CRISP2: variants seen among roughly 807,000 people sequenced by gnomAD.
CRISP2 encodes cysteine rich secretory protein 2.
CRISP2 carries 29 observed loss-of-function variants against 31.7 expected under a neutral mutation model. The ratio of observed to expected loss-of-function variants is 0.92; its 90% CI spans 0.68 to 1.25. The LOEUF is 1.25. CRISP2 is among the 50% of genes most tolerant of loss of function. The pLI, the probability that CRISP2 is intolerant of heterozygous loss-of-function variation, is 0.00. For missense variants in CRISP2, 318 were observed against 286.5 expected, an observed-to-expected ratio of 1.11 and a Z score of -0.79; for synonymous variants, 111 against 101.4, an observed-to-expected ratio of 1.09 and a Z score of -0.57.
At chr6:49,701,518 A>ACACACACACACACACACAG (rs1765712632) in intron 4 of CRISP2, among the ~76,000 whole-genome samples, 1 of 128,624 alleles carries the variant, frequency 7.8e-6, no homozygotes, top group Non-Finnish European at 1.6e-5. Flanking sequence ...ATATATATAT[A>ACACACACACACACACACAG]TATATATACA....
At position 49,701,385 on chromosome 6, in the gene CRISP2, T is replaced by C. The variant is rs950653421; in HGVS notation, c.67-601A>G. Among the ~76,000 whole-genome samples the C allele has an allele frequency of 4.0e-5, 6 of 151,276 alleles. No homozygotes were observed. In the Admixed American group the frequency reaches 4.0e-4, roughly 10 times the overall value. On this transcript the variant is annotated intron_variant, in intron 4 of 9. Coordinates refer to ENST00000339139, the MANE Select transcript of CRISP2 (RefSeq NM_003296.4). The stretch of plus-strand genomic sequence containing the variant: ...GTGAGGACATATGATGTTTGGTTTT[T>C]CCATTTCTGAGTTACGTCACTTGGA...
intron 9 of CRISP2, among the ~76,000 whole-genome samples, chr6:49,695,467 C>A (rs1307061946): frequency 6.6e-6 from 1 of 152,138 alleles, no homozygotes; most frequent in African/African-American, 2.4e-5. Context: ...TGTGGTCTCA[C>A]ACTTTAGATT....
the CRISP2 span, among the ~76,000 whole-genome samples, chr6:49,683,663 C>CAA: frequency 2.2e-4 from 4 of 18,514 alleles, no homozygotes; most frequent in Non-Finnish European, 4.2e-4. Context: ...GACTCCATTT[C>CAA]AAAAAAAAAA....
chr6:49,698,314 C>T, intron 7 of CRISP2, 48 bp downstream of exon 7: 1 of 1,597,760 alleles, frequency 6.3e-7, no homozygotes. Context: ...AGAAGCTTTC[C>T]TCTATTAGAA....
chr6:49,686,544 C>T, the CRISP2 span, among the ~76,000 whole-genome samples: 30 of 152,234 alleles, frequency 2.0e-4, 1 homozygote, highest in South Asian at 6.2e-3. Flanking sequence ...ATTAAAAAGT[C>T]AGGAAACAAC....
In CRISP2 at chr6:49,713,012, A is replaced by AT. The variant is rs564846691; in HGVS notation, c.-150-409dup. Reference sequence around the variant, plus strand: ...TTGGGGGTAACAGCTTTGTCTCTTCATTTTTTTTTTAAATTCTGGAAGCCA... The same window carrying AT: ...TTGGGGGTAACAGCTTTGTCTCTTCATTTTTTTTTTTAAATTCTGGAAGCCA... On this transcript the variant is annotated intron_variant, in intron 1 of 9. Coordinates refer to ENST00000339139, the MANE Select transcript of CRISP2 (RefSeq NM_003296.4). Among the ~76,000 whole-genome samples the AT allele has an allele frequency of 6.7e-3, 998 of 149,910 alleles. 13 individuals are homozygous for AT. Among genetic ancestry groups the AT allele is most frequent in the African/African-American group, 0.022 (919 of 40,960 alleles).
chr6:49,684,999 G>T, the CRISP2 span, among the ~76,000 whole-genome samples: 1 of 152,154 alleles, frequency 6.6e-6, no homozygotes, highest in African/African-American at 2.4e-5. Context: ...GCTCTGGGAT[G>T]CTAAGGACTC....
Position 49,698,300 on chromosome 6 carries a change from T to C in CRISP2, c.417+62A>G. ...AATTGAACATTACAGTGGTCATAATTTGGAGAAGCTTTCCTCTATTAGAAC... is the reference window on the plus strand; with the variant it reads ...AATTGAACATTACAGTGGTCATAATCTGGAGAAGCTTTCCTCTATTAGAAC... On this transcript the variant is annotated intron_variant, in intron 7 of 9. Coordinates refer to ENST00000339139, the MANE Select transcript of CRISP2 (RefSeq NM_003296.4). 6 of 1,565,806 alleles carry C rather than the reference T, an allele frequency of 3.8e-6. No individual in the cohort carries two copies. The South Asian group carries it at 5.6e-5, about 15-fold the overall frequency.
intron 4 of CRISP2, among the ~76,000 whole-genome samples, chr6:49,702,834 T>C (rs2127417407): frequency 6.6e-6 from 1 of 152,278 alleles, no homozygotes; most frequent in South Asian, 2.1e-4. Context: ...TTTCTTTTTG[T>C]TGCATTTGCT....
chr6:49,705,382 G>A (rs566334595), intron 4 of CRISP2, among the ~76,000 whole-genome samples: 63 of 152,226 alleles, frequency 4.1e-4, no homozygotes, highest in Non-Finnish European at 8.7e-4. Flanking sequence ...CAATAGAGCT[G>A]AATTTATATC....
At chr6:49,680,808 A>C in the CRISP2 span, among the ~76,000 whole-genome samples, 1 of 152,170 alleles carries the variant, frequency 6.6e-6, no homozygotes. Flanking sequence ...TCTTTTGAAA[A>C]GTGTCTGTTC....
chr6:49,686,759 C>T, the CRISP2 span, among the ~76,000 whole-genome samples: 5 of 152,166 alleles, frequency 3.3e-5, no homozygotes, highest in African/African-American at 1.2e-4. Context: ...CACACATATG[C>T]TTATTGCGGC....
At chr6:49,689,988 A>C (rs535990436), downstream of CRISP2, among the ~76,000 whole-genome samples, 1 of 152,160 alleles carries the variant, frequency 6.6e-6, no homozygotes, top group Non-Finnish European at 1.5e-5. Flanking sequence ...TAAAATTTCT[A>C]TATCTGCTTT....
intron 9 of CRISP2, among the ~76,000 whole-genome samples, chr6:49,694,748 T>C (rs542161730): frequency 1.1e-4 from 16 of 150,098 alleles, no homozygotes; most frequent in African/African-American, 3.8e-4. Flanking sequence ...TTCTTTTTTT[T>C]TTTTTTGAGA....
intron 4 of CRISP2, among the ~76,000 whole-genome samples, chr6:49,701,118 T>C (rs550131603): frequency 1.2e-4 from 19 of 152,188 alleles, no homozygotes; most frequent in African/African-American, 4.6e-4. Flanking sequence ...TGCCGATTTC[T>C]GGTTTCAAGG....
intron 8 of CRISP2, among the ~76,000 whole-genome samples, chr6:49,697,448 T>A (rs2127395633): frequency 6.6e-6 from 1 of 151,784 alleles, no homozygotes; most frequent in South Asian, 2.1e-4. Flanking sequence ...GAAGTAGGAA[T>A]ATTTGAGCAG....
chr6:49,699,686 AAGAC>A, intron 6 of CRISP2, 114 bp downstream of exon 6: 1 of 704,814 alleles, frequency 1.4e-6, no homozygotes, highest in Non-Finnish European at 2.3e-6. Context: ...TGACTTCAAA[AAGAC>A]AGCAGTATAA....
chr6:49,684,769 A>G, the CRISP2 span, among the ~76,000 whole-genome samples: 3 of 152,296 alleles, frequency 2.0e-5, no homozygotes, highest in East Asian at 1.9e-4. Flanking sequence ...CATTGTTTTT[A>G]TATGTGGATG....
intron 8 of CRISP2, among the ~76,000 whole-genome samples, chr6:49,696,223 T>C (rs1363348592): frequency 7.0e-6 from 1 of 142,008 alleles, no homozygotes; most frequent in Non-Finnish European, 1.6e-5. Context: ...CCCATTATAT[T>C]TAGTCAAATT....
Sources: allele counts gnomAD v4.1 joint callset (sites outside exome capture counted in the v4.1 genomes callset), GRCh38; gene constraint gnomAD v4.1.1; transcripts MANE v1.5; gene names NCBI Gene and HGNC (gene_info 2026-07-23, HGNC 2026-07-21).